The following SAG variants were observed in gnomAD, a reference collection of about 807,000 sequenced individuals.
SAG encodes the protein S-antigen visual arrestin.
SAG carries 45 observed loss-of-function variants against 55.0 expected under a neutral mutation model. The observed-to-expected ratio is 0.82, with a 90% CI of 0.64 to 1.05. The LOEUF is 1.05. Ranked by LOEUF, SAG falls within the 50% of genes least tolerant of loss-of-function variation. The pLI is 0.00. For synonymous variants in SAG, 189 were observed against 197.4 expected (o/e 0.96, Z 0.36); for missense variants, 455 against 512.1 (o/e 0.89, Z 1.08).
Position 233,320,714 on chromosome 2 carries a change from T to A in SAG, c.266T>A (p.Phe89Tyr), listed in dbSNP as rs1700353785. 3.7e-6 allele frequency: 6 copies of A among 1,605,374 alleles called. No homozygotes were observed. The highest frequency in any genetic ancestry group is 4.3e-6 in the Non-Finnish European group (5 of 1,176,202). Residue 89 changes from phenylalanine to tyrosine, a missense_variant, in exon 5 of 16, where the codon TTC (phenylalanine) becomes TAC (tyrosine). By Grantham distance (22) the Phe-to-Tyr change is conservative. Coordinates refer to ENST00000409110, the MANE Select transcript of SAG (RefSeq NM_000541.5). ...IGLTFRRDLYFSRVQVYPPVG... is the reference protein window; with the variant it reads ...IGLTFRRDLYYSRVQVYPPVG... ...TTGACCTTCCGCAGGGACCTGTACT[T>A]CTCCCGGGTCCAGGTGTATCCTCCT...
At chr2:233,327,298 G>A (rs1700591877) in intron 7 of SAG, 101 bp downstream of exon 7, 2 of 887,522 alleles carry the variant, frequency 2.3e-6, no homozygotes, top group South Asian at 2.9e-5. Context: ...TTCCCATAGG[G>A]CTGGCACGGC....
chr2:233,328,917 C>A, intron 8 of SAG: 1 of 343,454 alleles, frequency 2.9e-6, no homozygotes, highest in East Asian at 5.3e-5. Flanking sequence ...TCCTGTCCAC[C>A]TCCATGGGCC....
intron 10 of SAG, chr2:233,334,658 G>T (rs767725125): frequency 3.5e-6 from 1 of 283,860 alleles, no homozygotes; most frequent in Non-Finnish European, 6.8e-6. Flanking sequence ...TCAGGAGGAG[G>T]CTGTGGTCTC....
intron 11 of SAG, among the ~76,000 whole-genome samples, chr2:233,337,805 G>A (rs762167756): frequency 1.8e-4 from 28 of 152,116 alleles, no homozygotes; most frequent in Admixed American, 1.3e-4. Flanking sequence ...AGCATTTCAT[G>A]ATTTTTTTCA....
intron 2 of SAG, among the ~76,000 whole-genome samples, chr2:233,315,671 T>C (rs1255306795): frequency 1.3e-5 from 2 of 151,618 alleles, no homozygotes. Flanking sequence ...TGCAAATGGA[T>C]GGCAAAAGTC....
chr2:233,316,052 AC>A, intron 2 of SAG, 22 bp from the exon 3 acceptor site: 1 of 1,506,496 alleles, frequency 6.6e-7, no homozygotes, highest in Non-Finnish European at 9.1e-7. Flanking sequence ...TGGCCCTTAG[AC>A]CCACACCTGT....
rs779534477 is a variant in SAG, at chr2:233,309,276, A to C, written c.75+12A>C. On this transcript the variant is annotated intron_variant, in intron 2 of 15. Coordinates refer to ENST00000409110, the MANE Select transcript of SAG (RefSeq NM_000541.5). ...CCCGGGACAAATCGGTGAGTGGTGC[A>C]CAAGTGAGTGATTTGATAGAAATTA... 3 of 1,605,282 alleles carry C rather than the reference A, an allele frequency of 1.9e-6. No homozygotes were observed. The African/African-American group carries it at 4.0e-5, about 21-fold the overall frequency.
chr2:233,337,569 G>A (rs550259588), intron 11 of SAG, among the ~76,000 whole-genome samples: 2 of 152,134 alleles, frequency 1.3e-5, no homozygotes, highest in Non-Finnish European at 2.9e-5. Context: ...AGCTCCAGAC[G>A]CCAGTGAGCT....
chr2:233,337,649 C>T (rs569546335), intron 11 of SAG, among the ~76,000 whole-genome samples: 9 of 152,286 alleles, frequency 5.9e-5, no homozygotes, highest in East Asian at 1.9e-4. Flanking sequence ...CAGAGGTTCC[C>T]GAGCTGACGT....
chr2:233,335,513 T>C (rs1016101404), intron 11 of SAG, among the ~76,000 whole-genome samples: 1 of 152,238 alleles, frequency 6.6e-6, no homozygotes, highest in African/African-American at 2.4e-5. Context: ...CTACTGTTTT[T>C]AGAAGTATCA....
At chr2:233,321,504 C>A (rs1469181802) in intron 5 of SAG, among the ~76,000 whole-genome samples, 1 of 152,212 alleles carries the variant, frequency 6.6e-6, no homozygotes, top group Non-Finnish European at 1.5e-5. Context: ...AGGACCCAGA[C>A]ACAAAAAGAC....
intron 10 of SAG, chr2:233,333,365 A>G (rs1451472524): frequency 1.3e-5 from 2 of 152,212 alleles, no homozygotes; most frequent in Non-Finnish European, 2.9e-5. Context: ...TATGTATTCC[A>G]TCACCTGGTC....
rs1297208837 is a variant in SAG at position 233,318,720 on chromosome 2, C to T, written c.137-31C>T. The T allele has an allele frequency of 3.7e-6, 6 of 1,604,910 alleles. No individual in the cohort carries two copies. The South Asian group carries it at 4.4e-5, about 12-fold the overall frequency. On this transcript the variant is annotated intron_variant, in intron 3 of 15. Transcript: ENST00000409110. ...TGTCTGGTTTCTTTCATCTTCTCCA[C>T]CCTCACTGCTCTCTCCCTCTTTTGC...
intron 11 of SAG, among the ~76,000 whole-genome samples, chr2:233,337,382 G>T (rs1377095178): frequency 6.6e-6 from 1 of 152,118 alleles, no homozygotes; most frequent in African/African-American, 2.4e-5. Context: ...GGGATTAGAG[G>T]CTCCCACCAC....
At chr2:233,331,053 T>TA (rs943637676) in intron 9 of SAG, among the ~76,000 whole-genome samples, 4 of 152,026 alleles carry the variant, frequency 2.6e-5, no homozygotes, top group Admixed American at 1.3e-4. Context: ...CTTTATTTTT[T>TA]AAAAAAATCC....
chr2:233,325,984 A>C (rs1032486021), intron 6 of SAG, among the ~76,000 whole-genome samples: 1 of 152,004 alleles, frequency 6.6e-6, no homozygotes, highest in Non-Finnish European at 1.5e-5. Flanking sequence ...AGAACCAATA[A>C]ATCCGTGCCT....
intron 2 of SAG, 67 bp from the exon 3 acceptor site, chr2:233,316,008 G>T: frequency 1.0e-6 from 1 of 997,858 alleles, no homozygotes; most frequent in Non-Finnish European, 1.5e-6. Context: ...GCTGCTGCTG[G>T]TTTTTATCAT....
At chr2:233,318,989 C>A in intron 4 of SAG, 194 bp downstream of exon 4, 1 of 718,108 alleles carries the variant, frequency 1.4e-6, no homozygotes, top group Non-Finnish European at 2.6e-6. Context: ...CTGTTGACAC[C>A]AGAGCTCACT....
At chr2:233,337,759 G>A (rs193150667) in intron 11 of SAG, among the ~76,000 whole-genome samples, 43 of 152,030 alleles carry the variant, frequency 2.8e-4, no homozygotes, top group Non-Finnish European at 5.3e-4. Context: ...AGGTTTCTTG[G>A]GCTTTTTTTC....
Sources: gnomAD v4.1 joint callset for allele counts (sites outside exome capture counted in the v4.1 genomes callset) on GRCh38, gnomAD v4.1.1 for gene constraint, MANE v1.5 for transcripts, NCBI Gene and HGNC (gene_info 2026-07-23, HGNC 2026-07-21) for gene names.